The following ZNF341 variants were observed in gnomAD, a reference collection of about 807,000 sequenced individuals.
The protein encoded by ZNF341 is zinc finger protein 341.
A neutral mutation model predicts 87.7 loss-of-function variants in ZNF341; 52 were observed. The observed-to-expected ratio is 0.59, with a 90% CI of 0.47 to 0.75. The LOEUF (loss-of-function observed/expected upper bound fraction) is 0.75, where lower values mean the gene tolerates loss of function less well. Among genes scored for constraint, ZNF341 ranks in the 30% least tolerant of loss-of-function variants. ZNF341 has a pLI of 0.00. For missense variants in ZNF341, 977 were observed against 1,145.9 expected (o/e 0.85, Z 2.13); for synonymous variants, 459 against 472.7 (o/e 0.97, Z 0.38).
chr20:33,788,585 T>C, intron 12 of ZNF341: 1 of 464,820 alleles, frequency 2.2e-6, no homozygotes, highest in Non-Finnish European at 4.0e-6. Flanking sequence ...CCTCAGGGCC[T>C]TTGTACCTGC....
rs1029821981 is a variant in ZNF341, at chr20:33,791,611, C to G, written c.*94C>G. On this transcript the variant is annotated 3_prime_UTR_variant, in exon 15 of 15. Coordinates refer to ENST00000375200, the MANE Select transcript of ZNF341 (RefSeq NM_001282933.2). Reference sequence around the variant, plus strand: ...GACCGGTGATCCTTACCAGTGGAAGCGAGCCATCGAGCCATTGGCAGAAAT... The same window carrying G: ...GACCGGTGATCCTTACCAGTGGAAGGGAGCCATCGAGCCATTGGCAGAAAT... The G allele has an allele frequency of 9.2e-6, 12 of 1,305,128 alleles. No individual in the cohort carries two copies. The African/African-American group carries it at 1.8e-4, about 19-fold the overall frequency. 80.8% of individuals were successfully genotyped at this position (1,305,128 alleles called of 1,614,324 possible). A position where few individuals can be genotyped will look rare whatever the true frequency, so the allele number is the denominator to read the frequency against.
intron 10 of ZNF341, among the ~76,000 whole-genome samples, chr20:33,772,058 G>A (rs1164711632): frequency 8.8e-5 from 12 of 136,466 alleles, no homozygotes; most frequent in Non-Finnish European, 1.7e-4. Flanking sequence ...ATTCTCTTTG[G>A]ACCTATTGAC....
intron 10 of ZNF341, among the ~76,000 whole-genome samples, chr20:33,775,215 T>G (rs1426724547): frequency 2.0e-5 from 3 of 151,248 alleles, no homozygotes; most frequent in Admixed American, 6.6e-5. Flanking sequence ...GGGTTTTGTT[T>G]TTTTTTTTTT....
intron 3 of ZNF341, among the ~76,000 whole-genome samples, chr20:33,746,948 C>G (rs918596520): frequency 5.3e-5 from 8 of 152,080 alleles, no homozygotes; most frequent in African/African-American, 1.9e-4. Flanking sequence ...GTTGAGATGC[C>G]TGCCAACCTT....
intron 10 of ZNF341, among the ~76,000 whole-genome samples, chr20:33,774,562 A>T (rs2019593670): frequency 6.6e-6 from 1 of 152,216 alleles, no homozygotes; most frequent in African/African-American, 2.4e-5. Context: ...AGAGTCACTG[A>T]ATTTGGTGAA....
intron 10 of ZNF341, among the ~76,000 whole-genome samples, chr20:33,779,670 T>C (rs1049961020): frequency 1.3e-5 from 2 of 152,016 alleles, no homozygotes; most frequent in African/African-American, 4.8e-5. Flanking sequence ...AGGCTGGTCT[T>C]GAACTCCTGA....
intron 2 of ZNF341, among the ~76,000 whole-genome samples, chr20:33,744,151 C>T (rs773199992): frequency 1.1e-4 from 16 of 152,002 alleles, no homozygotes; most frequent in Non-Finnish European, 1.9e-4. Context: ...GGCGTGGTGG[C>T]GCATGCCTGT....
At chr20:33,751,120 G>A (rs1035709997) in intron 4 of ZNF341, among the ~76,000 whole-genome samples, 3 of 152,104 alleles carry the variant, frequency 2.0e-5, no homozygotes, top group East Asian at 1.9e-4. Flanking sequence ...ATATGGATAG[G>A]CCATCTTCTG....
intron 12 of ZNF341, among the ~76,000 whole-genome samples, chr20:33,785,733 C>T (rs1002352156): frequency 1.3e-5 from 2 of 152,170 alleles, no homozygotes; most frequent in African/African-American, 2.4e-5. Context: ...TAACTGTTAG[C>T]GGTCTAGTCT....
intron 4 of ZNF341, among the ~76,000 whole-genome samples, chr20:33,751,164 C>A (rs1486635804): frequency 6.6e-6 from 1 of 152,140 alleles, no homozygotes; most frequent in African/African-American, 2.4e-5. Flanking sequence ...ACATGTAGGT[C>A]ATTGCTGTTT....
chr20:33,738,302 T>C (rs2018733677), intron 1 of ZNF341, among the ~76,000 whole-genome samples: 1 of 152,138 alleles, frequency 6.6e-6, no homozygotes, highest in Non-Finnish European at 1.5e-5. Context: ...TAATATTATA[T>C]GCAGGAGTAA....
intron 5 of ZNF341, among the ~76,000 whole-genome samples, chr20:33,754,472 G>A (rs1431269677): frequency 1.3e-5 from 2 of 152,200 alleles, no homozygotes; most frequent in Admixed American, 6.5e-5. Context: ...TGTAAAGAGA[G>A]CCCAGACCAG....
At chr20:33,766,372 G>T (rs1185939536) in intron 8 of ZNF341, among the ~76,000 whole-genome samples, 3 of 150,962 alleles carry the variant, frequency 2.0e-5, no homozygotes, top group African/African-American at 7.3e-5. Flanking sequence ...TTTTTGTATT[G>T]TTAGTAGAGA....
At chr20:33,757,391 C>T (rs1241086700) in intron 6 of ZNF341, 48 bp downstream of exon 6, 1 of 1,392,096 alleles carries the variant, frequency 7.2e-7, no homozygotes, top group African/African-American at 1.5e-5. Flanking sequence ...ATTGGCCAAT[C>T]CACAAGCTAC....
intron 10 of ZNF341, among the ~76,000 whole-genome samples, chr20:33,773,316 T>C (rs2019564370): frequency 6.6e-6 from 1 of 152,176 alleles, no homozygotes; most frequent in Non-Finnish European, 1.5e-5. Context: ...TTGAGCCCGA[T>C]GCTGATGACC....
intron 7 of ZNF341, among the ~76,000 whole-genome samples, chr20:33,760,622 C>T (rs2019271287): frequency 2.6e-5 from 4 of 151,890 alleles, no homozygotes; most frequent in Admixed American, 6.6e-5. Flanking sequence ...CAGCTCACTG[C>T]AGCCTCAACC....
Position 33,753,323 on chromosome 20 carries a change from G to A in ZNF341, c.641G>A (p.Gly214Glu), listed in dbSNP as rs762023940. ...LGPPGRPNPG[G>E]NGVVEVYSAA... ...CCCCCTGGGCGTCCCAACCCTGGTGGGAACGGTGTGGTGGAGGTGTACAGT... is the reference window on the plus strand; with the variant it reads ...CCCCCTGGGCGTCCCAACCCTGGTGAGAACGGTGTGGTGGAGGTGTACAGT... The change falls in exon 5 of 15, where the codon GGG becomes GAG. Residue 214 changes from glycine to glutamate, a missense_variant. Gly to Glu is a moderately conservative substitution (Grantham distance 98). This residue lies in a region of ZNF341 where 515 missense variants were observed against 598.2 expected (regional missense o/e 0.86). Coordinates refer to ENST00000375200, the MANE Select transcript of ZNF341 (RefSeq NM_001282933.2). 1 of 1,610,830 alleles carries A rather than the reference G, an allele frequency of 6.2e-7. No homozygotes were observed. Among genetic ancestry groups the A allele is most frequent in the Non-Finnish European group, 8.5e-7 (1 of 1,178,608 alleles).
chr20:33,741,248 A>G (rs536637067), intron 2 of ZNF341, among the ~76,000 whole-genome samples: 1 of 152,298 alleles, frequency 6.6e-6, no homozygotes, highest in East Asian at 1.9e-4. Context: ...TGGGATCAAG[A>G]TGCAGGGAAT....
At chr20:33,785,242 C>T (rs1422727379) in intron 12 of ZNF341, among the ~76,000 whole-genome samples, 1 of 152,102 alleles carries the variant, frequency 6.6e-6, no homozygotes, top group Non-Finnish European at 1.5e-5. Flanking sequence ...GTAAAAAATA[C>T]ATTTCATATT....
Sources: gnomAD v4.1 joint callset for allele counts (sites outside exome capture counted in the v4.1 genomes callset) on GRCh38, gnomAD v4.1.1 for gene constraint, gnomAD v4.1.1 regional missense constraint, MANE v1.5 for transcripts, NCBI Gene and HGNC (gene_info 2026-07-23, HGNC 2026-07-21) for gene names.